The following CARMIL1 variants were observed in gnomAD, a reference collection of about 807,000 sequenced individuals.
The protein encoded by CARMIL1 is capping protein regulator and myosin 1 linker 1, also known as F-actin-uncapping protein LRRC16A.
In CARMIL1, 90 loss-of-function variants were observed where a neutral mutation model predicts 177.1. The observed-to-expected ratio is 0.51, with a 90% confidence interval of 0.43 to 0.61. CARMIL1 has a LOEUF of 0.61. Among genes scored for constraint, CARMIL1 ranks in the 20% least tolerant of loss-of-function variants. The pLI, the probability that CARMIL1 is intolerant of heterozygous loss-of-function variation, is 0.00. For missense variants in CARMIL1, 1,380 were observed against 1,667.0 expected (o/e 0.83, Z 3.00); for synonymous variants, 577 against 606.2 (o/e 0.95, Z 0.71).
intron 35 of CARMIL1, among the ~76,000 whole-genome samples, chr6:25,607,214 G>GT (rs3034232): frequency 1.3e-3 from 197 of 146,838 alleles, no homozygotes; most frequent in African/African-American, 2.9e-3. Flanking sequence ...CACACATTAG[G>GT]TTTTTTTTTT....
At chr6:25,456,583 C>A (rs1799550593) in intron 8 of CARMIL1, among the ~76,000 whole-genome samples, 1 of 152,132 alleles carries the variant, frequency 6.6e-6, no homozygotes, top group Admixed American at 6.5e-5. Flanking sequence ...GTAAATTTCT[C>A]ATGGGATTTC....
At position 25,279,767 on chromosome 6, in the gene CARMIL1, G is replaced by T; in HGVS notation, c.-29G>T. On this transcript the variant is annotated 5_prime_UTR_variant, in exon 1 of 37. Coordinates refer to ENST00000329474, the MANE Select transcript of CARMIL1 (RefSeq NM_017640.6). ...GGGGCCATAAATCAGAGTTGGACCTGCAATAACCCCCACACCTACAGGGCA... is the reference window on the plus strand; with the variant it reads ...GGGGCCATAAATCAGAGTTGGACCTTCAATAACCCCCACACCTACAGGGCA... The T allele has an allele frequency of 6.2e-7, 1 of 1,612,912 alleles. No individual in the cohort carries two copies. Among genetic ancestry groups the T allele is most frequent in the Non-Finnish European group, 8.5e-7 (1 of 1,178,890 alleles).
intron 24 of CARMIL1, 109 bp from the exon 25 acceptor site, chr6:25,537,746 A>C (rs997449956): frequency 3.8e-6 from 5 of 1,309,666 alleles, no homozygotes; most frequent in African/African-American, 1.5e-5. Context: ...ATCCTTGTGC[A>C]TTCTGTGGTT....
intron 2 of CARMIL1, among the ~76,000 whole-genome samples, chr6:25,314,487 T>A (rs555012478): frequency 2.4e-4 from 35 of 144,464 alleles, no homozygotes; most frequent in Admixed American, 8.2e-4. Context: ...AAAAAAAAAA[T>A]TATATATATA....
At chr6:25,287,989 G>A (rs1781647253) in intron 2 of CARMIL1, among the ~76,000 whole-genome samples, 1 of 152,218 alleles carries the variant, frequency 6.6e-6, no homozygotes. Flanking sequence ...GGGACTCGAA[G>A]CTTACAGTCT....
intron 32 of CARMIL1, among the ~76,000 whole-genome samples, chr6:25,598,793 A>G (rs1014876812): frequency 6.6e-6 from 1 of 152,060 alleles, no homozygotes; most frequent in Non-Finnish European, 1.5e-5. Context: ...GAGCTTGTCG[A>G]CTGGTGGGCT....
intron 8 of CARMIL1, among the ~76,000 whole-genome samples, chr6:25,459,219 T>C (rs887171076): frequency 4.7e-5 from 3 of 63,888 alleles, no homozygotes; most frequent in Admixed American, 2.0e-4. Context: ...TTTTTCTTTC[T>C]TTCTTTCTTT....
At chr6:25,571,525 C>T (rs951948958) in intron 29 of CARMIL1, among the ~76,000 whole-genome samples, 4 of 152,158 alleles carry the variant, frequency 2.6e-5, no homozygotes, top group African/African-American at 4.8e-5. Context: ...TAAAAATCTA[C>T]GTGGACTAAA....
In CARMIL1 at chr6:25,510,566, C is replaced by T. The variant is rs1169246487; in HGVS notation, c.1537C>T (p.His513Tyr). ...VWLSKNRSIQ[H>Y]LALGKNFNNM... is the part of the protein sequence containing the mutation. ...GCTCAGTAAAAACAGATCAATACAA[C>T]ACCTGGCGTTAGGCAAAAATTTTAA... Residue 513 changes from histidine (H) to tyrosine (Y), a missense_variant, in exon 19 of 37, where the codon CAC becomes TAC. By Grantham distance (83) the His-to-Tyr change is moderately conservative. Coordinates refer to ENST00000329474, the MANE Select transcript of CARMIL1 (RefSeq NM_017640.6). 3 of 1,557,314 alleles carry T rather than the reference C, an allele frequency of 1.9e-6. No homozygotes were observed. The highest frequency in any genetic ancestry group is 1.7e-6 in the Non-Finnish European group (2 of 1,149,318).
At chr6:25,377,865 C>G (rs1475024436) in intron 2 of CARMIL1, among the ~76,000 whole-genome samples, 1 of 152,128 alleles carries the variant, frequency 6.6e-6, no homozygotes, top group Admixed American at 6.5e-5. Flanking sequence ...AGAGTACCAG[C>G]TGTGGTGGTG....
chr6:25,506,593 C>A (rs771998075), intron 17 of CARMIL1, among the ~76,000 whole-genome samples: 7 of 152,062 alleles, frequency 4.6e-5, no homozygotes, highest in Non-Finnish European at 1.0e-4. Flanking sequence ...TATATACATC[C>A]TTCTTAGGTA....
At chr6:25,466,095 G>A in intron 9 of CARMIL1, 147 bp downstream of exon 9, 1 of 611,640 alleles carries the variant, frequency 1.6e-6, no homozygotes, top group Non-Finnish European at 2.9e-6. Flanking sequence ...TAAATGATTT[G>A]CGTAACATTT....
intron 11 of CARMIL1, among the ~76,000 whole-genome samples, chr6:25,477,008 G>T (rs1478196030): frequency 6.7e-6 from 1 of 148,666 alleles, no homozygotes; most frequent in African/African-American, 2.5e-5. Context: ...AGAATCGCTT[G>T]AATCAGGGAG....
Position 25,343,083 on chromosome 6 carries a change from C to G in CARMIL1, c.138+58174C>G, listed in dbSNP as rs146743351. ...TTAAGATTGCACTTAGAGAAGAATGCACCTCATTGGGTGTTTCCTCAATGT... is the reference window on the plus strand; with the variant it reads ...TTAAGATTGCACTTAGAGAAGAATGGACCTCATTGGGTGTTTCCTCAATGT... On this transcript the variant is annotated intron_variant, in intron 2 of 36. Transcript: ENST00000329474. 5.7e-4 allele frequency among the ~76,000 whole-genome samples: 87 copies of G among 152,354 alleles called. No homozygotes were observed. In the East Asian group the frequency reaches 0.016, roughly 29 times the overall value.
At chr6:25,595,926 C>G (rs1181416467) in intron 32 of CARMIL1, among the ~76,000 whole-genome samples, 1 of 152,168 alleles carries the variant, frequency 6.6e-6, no homozygotes, top group Non-Finnish European at 1.5e-5. Context: ...AATATATAGT[C>G]TGCCCCTCAA....
At chr6:25,585,542 T>A (rs984983203) in intron 31 of CARMIL1, among the ~76,000 whole-genome samples, 2 of 152,144 alleles carry the variant, frequency 1.3e-5, no homozygotes, top group Non-Finnish European at 2.9e-5. Context: ...CCTATTTTTT[T>A]ATTTATTTTT....
chr6:25,611,583 G>A (rs1365901142), intron 36 of CARMIL1, among the ~76,000 whole-genome samples: 1 of 152,188 alleles, frequency 6.6e-6, no homozygotes, highest in Non-Finnish European at 1.5e-5. Context: ...AAAGAGTTCA[G>A]TTGGAGAGAA....
At chr6:25,345,492 C>CTT (rs1419477867) in intron 2 of CARMIL1, among the ~76,000 whole-genome samples, 1 of 152,198 alleles carries the variant, frequency 6.6e-6, no homozygotes, top group East Asian at 1.9e-4. Flanking sequence ...TGGGATGCGT[C>CTT]TAACAGGCAT....
In CARMIL1 at chr6:25,525,248, T is replaced by G. The variant is rs558661413; in HGVS notation, c.1969-3547T>G. 7.9e-5 allele frequency among the ~76,000 whole-genome samples: 12 copies of G among 152,202 alleles called. No individual in the cohort carries two copies. The South Asian group carries it at 2.3e-3, about 29-fold the overall frequency. ...AGAGAACATAGACTAAAAAAACACC[T>G]GTGTATTGAGAAACGAGGATAAGAA... On this transcript the variant is annotated intron_variant, in intron 23 of 36. Coordinates refer to ENST00000329474, the MANE Select transcript of CARMIL1 (RefSeq NM_017640.6).
Sources: gnomAD v4.1 joint callset for allele counts (sites outside exome capture counted in the v4.1 genomes callset) on GRCh38, gnomAD v4.1.1 for gene constraint, MANE v1.5 for transcripts, NCBI Gene and HGNC (gene_info 2026-07-23, HGNC 2026-07-21) for gene names.